The following WWOX variants were observed in gnomAD, a reference collection of about 807,000 sequenced individuals.
WWOX encodes the protein WW domain containing oxidoreductase, also known as WW domain-containing oxidoreductase.
Under a neutral mutation model 46.2 loss-of-function variants are expected in WWOX, and 69 were observed. The ratio of observed to expected loss-of-function variants is 1.49; its 90% CI spans 1.23 to 1.82. The LOEUF is 1.82. Ranked by LOEUF, WWOX falls within the 40% of genes most tolerant of loss-of-function variation. WWOX has a pLI of 0.00. For synonymous variants in WWOX, 359 were observed against 202.6 expected (o/e 1.77, Z -6.56); for missense variants, 919 against 542.6 (o/e 1.69, Z -6.89).
chr16:78,569,520 C>T (rs1219643413), intron 8 of WWOX, among the ~76,000 whole-genome samples: 1 of 152,144 alleles, frequency 6.6e-6, no homozygotes, highest in Non-Finnish European at 1.5e-5. Context: ...TTATCGGCTC[C>T]TTTTTGTACA....
chr16:78,952,218 C>T (rs910105092), intron 8 of WWOX, among the ~76,000 whole-genome samples: 2 of 152,080 alleles, frequency 1.3e-5, no homozygotes, highest in Admixed American at 1.3e-4. Flanking sequence ...TTCTCCCTTA[C>T]TTTGCCTCTA....
At chr16:78,401,429 A>G (rs777776100) in intron 6 of WWOX, among the ~76,000 whole-genome samples, 1 of 152,198 alleles carries the variant, frequency 6.6e-6, no homozygotes, top group African/African-American at 2.4e-5. Context: ...GTCTAGAACT[A>G]TGTAGCTTTG....
At chr16:78,773,060 C>G (rs368089565) in intron 8 of WWOX, among the ~76,000 whole-genome samples, 1 of 151,154 alleles carries the variant, frequency 6.6e-6, no homozygotes, top group African/African-American at 2.5e-5. Context: ...ACAAAAGAAA[C>G]AAACAAACAA....
At chr16:79,110,584 C>T (rs2049398030) in intron 8 of WWOX, 1 of 152,240 alleles carries the variant, frequency 6.6e-6, no homozygotes, top group African/African-American at 2.4e-5. Flanking sequence ...GAGAAGCAGT[C>T]ATTTCCCTCC....
At chr16:78,652,526 T>C (rs967398677) in intron 8 of WWOX, among the ~76,000 whole-genome samples, 5 of 152,134 alleles carry the variant, frequency 3.3e-5, no homozygotes, top group African/African-American at 9.7e-5. Flanking sequence ...TAATAAATTA[T>C]GCAGACCCCT....
chr16:78,646,346 CCTAA>C (rs2046842633), intron 8 of WWOX, among the ~76,000 whole-genome samples: 1 of 152,154 alleles, frequency 6.6e-6, no homozygotes, highest in South Asian at 2.1e-4. Flanking sequence ...GCCATCCTGT[CCTAA>C]CTAAAGAAAG....
chr16:78,688,719 T>A (rs2047918766), intron 8 of WWOX, among the ~76,000 whole-genome samples: 1 of 152,104 alleles, frequency 6.6e-6, no homozygotes, highest in African/African-American at 2.4e-5. Context: ...GCTCCTGGCA[T>A]CTGGTGGGTA....
At chr16:78,575,803 C>T (rs760039859) in intron 8 of WWOX, among the ~76,000 whole-genome samples, 2 of 152,066 alleles carry the variant, frequency 1.3e-5, no homozygotes, top group Non-Finnish European at 2.9e-5. Flanking sequence ...CATATAATGC[C>T]TGTCTATACT....
At chr16:79,204,255 C>T (rs2051435583) in intron 8 of WWOX, 1 of 152,136 alleles carries the variant, frequency 6.6e-6, no homozygotes, top group South Asian at 2.1e-4. Flanking sequence ...TATAAGACAT[C>T]ATCAACAATA....
At chr16:78,520,907 C>T (rs1430420120) in intron 8 of WWOX, among the ~76,000 whole-genome samples, 1 of 152,038 alleles carries the variant, frequency 6.6e-6, no homozygotes, top group East Asian at 1.9e-4. Context: ...TGTTAACAAG[C>T]AAAAGAAGAC....
At chr16:79,048,444 C>T (rs565449163) in intron 8 of WWOX, among the ~76,000 whole-genome samples, 1 of 152,040 alleles carries the variant, frequency 6.6e-6, no homozygotes, top group Non-Finnish European at 1.5e-5. Flanking sequence ...ATTAGGGCTT[C>T]AGAGTTCACG....
intron 5 of WWOX, chr16:78,168,501 C>A (rs903430231): frequency 6.6e-6 from 1 of 151,664 alleles, no homozygotes; most frequent in African/African-American, 2.4e-5. Flanking sequence ...AAGGAACTCA[C>A]CCGAATTGCA....
intron 8 of WWOX, among the ~76,000 whole-genome samples, chr16:78,792,398 G>A (rs1489917354): frequency 1.3e-5 from 2 of 152,272 alleles, no homozygotes; most frequent in East Asian, 3.9e-4. Context: ...AACATAAAAA[G>A]CTCGGAGATG....
chr16:79,133,189 G>T (rs895235675), intron 8 of WWOX, among the ~76,000 whole-genome samples: 3 of 152,168 alleles, frequency 2.0e-5, no homozygotes, highest in Admixed American at 6.5e-5. Flanking sequence ...GTAATTAAGC[G>T]AGTGAAGTCA....
chr16:78,679,482 C>A (rs1198207195), intron 8 of WWOX, among the ~76,000 whole-genome samples: 1 of 152,094 alleles, frequency 6.6e-6, no homozygotes, highest in African/African-American at 2.4e-5. Context: ...TCCCGGGGGG[C>A]AGAGGTTGCA....
intron 8 of WWOX, among the ~76,000 whole-genome samples, chr16:78,499,768 A>T (rs542178111): frequency 6.6e-6 from 1 of 152,326 alleles, no homozygotes. Context: ...TGTCAAATAC[A>T]TCCGTGGAAC....
At chr16:78,451,903 G>A (rs2083698660) in intron 8 of WWOX, among the ~76,000 whole-genome samples, 4 of 152,100 alleles carry the variant, frequency 2.6e-5, no homozygotes, top group South Asian at 2.1e-4. Flanking sequence ...TTCCTTCCAC[G>A]AAGGAATGAA....
chr16:78,681,251 A>G (rs1186924356), intron 8 of WWOX, among the ~76,000 whole-genome samples: 1 of 152,096 alleles, frequency 6.6e-6, no homozygotes, highest in African/African-American at 2.4e-5. Flanking sequence ...AAATAAATAA[A>G]TAAATAAGCT....
chr16:78,411,364 G>T (rs1052953956), intron 6 of WWOX, among the ~76,000 whole-genome samples: 2 of 152,100 alleles, frequency 1.3e-5, no homozygotes, highest in African/African-American at 4.8e-5. Flanking sequence ...GCTAATCAAC[G>T]TGTTGATTAG....
Sources: gnomAD v4.1 joint callset for allele counts (sites outside exome capture counted in the v4.1 genomes callset) on GRCh38, gnomAD v4.1.1 for gene constraint, MANE v1.5 for transcripts, NCBI Gene and HGNC (gene_info 2026-07-23, HGNC 2026-07-21) for gene names.